The following VNN2 variants were observed in gnomAD, a reference collection of about 807,000 sequenced individuals.
The protein encoded by VNN2 is vanin 2.
Under a neutral mutation model 43.0 loss-of-function variants are expected in VNN2, and 43 were observed. The ratio of observed to expected loss-of-function variants is 1.00; its 90% CI spans 0.78 to 1.29. The LOEUF is 1.29. Among genes scored for constraint, VNN2 ranks in the 50% most tolerant of loss-of-function variants. VNN2 has a pLI of 0.00. For missense variants in VNN2, 652 were observed against 619.7 expected, an observed-to-expected ratio of 1.05 and a Z score of -0.55; for synonymous variants, 230 against 224.3, an observed-to-expected ratio of 1.03 and a Z score of -0.23.
Position 132,749,811 on chromosome 6 carries a change from C to T in VNN2, c.1255G>A (p.Val419Ile), listed in dbSNP as rs764097298. The change falls in exon 6 of 7, where the codon GTA (valine) becomes ATA (isoleucine). Residue 419 changes from valine (V) to isoleucine (I), a missense_variant. Physicochemically the swap from Val to Ile is conservative, Grantham distance 29. Coordinates refer to ENST00000326499, the MANE Select transcript of VNN2 (RefSeq NM_004665.6). ...TTNLTTCGRP[V>I]ETASTRFEMF... is the part of the protein sequence containing the mutation. ...TCAAATCTTGTAGAAGCAGTTTCTA[C>T]TGGCCGTCCACAAGTTGTCAAATTA... 1.2e-6 allele frequency: 2 copies of T among 1,613,984 alleles called. No homozygotes were observed. Among genetic ancestry groups the T allele is most frequent in the East Asian group, 2.2e-5 (1 of 44,892 alleles).
chr6:132,749,815 C>T lies in VNN2; in HGVS notation c.1251G>A (p.Arg417=). 6.2e-7 allele frequency: 1 copy of T among 1,614,054 alleles called. No individual in the cohort carries two copies. The highest frequency in any genetic ancestry group is 1.3e-5 in the African/African-American group (1 of 75,026). The change falls in exon 6 of 7, where the codon CGG becomes CGA. Residue 417 remains arginine (R), a synonymous_variant. Coordinates refer to ENST00000326499, the MANE Select transcript of VNN2 (RefSeq NM_004665.6). ...ATCTTGTAGAAGCAGTTTCTACTGG[C>T]CGTCCACAAGTTGTCAAATTAGTAG... The part of the protein sequence containing the change: ...CKTTNLTTCG[R]PVETASTRFE...
chr6:132,762,041 T>C (rs1780750575), upstream of VNN2, among the ~76,000 whole-genome samples: 1 of 152,216 alleles, frequency 6.6e-6, no homozygotes, highest in African/African-American at 2.4e-5. Flanking sequence ...ACTACTGTTG[T>C]TCAATTCAAA....
At position 132,752,452 on chromosome 6, in the gene VNN2, A is replaced by T. The variant is rs747080103; in HGVS notation, c.826+9T>A. ...ATATAAGATGAAACCTAACCTGGTC[A>T]TGAATTACCTGTCATATTTAGGCTG... On this transcript the variant is annotated intron_variant, in intron 4 of 6. Coordinates refer to ENST00000326499, the MANE Select transcript of VNN2 (RefSeq NM_004665.6). The T allele has an allele frequency of 5.3e-5, 86 of 1,607,548 alleles. No individual in the cohort carries two copies. The highest frequency in any genetic ancestry group is 7.2e-5 in the Non-Finnish European group (85 of 1,176,246).
upstream of VNN2, among the ~76,000 whole-genome samples, chr6:132,760,387 G>T (rs1395447222): frequency 6.6e-6 from 1 of 152,052 alleles, no homozygotes; most frequent in Non-Finnish European, 1.5e-5. Flanking sequence ...TGTTGCCCAG[G>T]CTTGTTTCAA....
chr6:132,759,736 A>G (rs1317029228), upstream of VNN2, among the ~76,000 whole-genome samples: 2 of 152,206 alleles, frequency 1.3e-5, no homozygotes, highest in Admixed American at 6.5e-5. Context: ...TCTGCTTTGA[A>G]TAGAAGTTTC....
intron 6 of VNN2, among the ~76,000 whole-genome samples, chr6:132,748,224 T>A (rs2114529309): frequency 6.6e-6 from 1 of 152,326 alleles, no homozygotes; most frequent in South Asian, 2.1e-4. Context: ...ACCTTTTAGC[T>A]ACTGGATTTT....
Position 132,751,442 on chromosome 6 carries a change from AAGG to A in VNN2, c.900_902del (p.Leu301del), listed in dbSNP as rs1251889758. ...ATAGGGGATGTGAATCCACCTCTGAAAGGAGAAGTTTTCCCAACTCTGTCTTCA... is the reference window on the plus strand; with the variant it reads ...ATAGGGGATGTGAATCCACCTCTGAAAGAAGTTTTCCCAACTCTGTCTTCA... On this transcript the variant is annotated inframe_deletion, in exon 5 of 7. Coordinates refer to ENST00000326499, the MANE Select transcript of VNN2 (RefSeq NM_004665.6). 3 of 1,614,140 alleles carry A rather than the reference AAGG, an allele frequency of 1.9e-6. No homozygotes were observed. The highest frequency in any genetic ancestry group is 8.5e-7 in the Non-Finnish European group (1 of 1,180,012).
chr6:132,757,561 C>G lies in VNN2; in HGVS notation c.214-15G>C, dbSNP rs780112772. Reference sequence around the variant, plus strand: ...ATTCGAGCACCCTGTTCAAAACAAGCAAAATAAAAATGATTTTTCCATGTA... The same window carrying G: ...ATTCGAGCACCCTGTTCAAAACAAGGAAAATAAAAATGATTTTTCCATGTA... On this transcript the variant is annotated splice_polypyrimidine_tract_variant and intron_variant, in intron 1 of 6. Transcript: ENST00000326499. 1 of 1,610,740 alleles carries G rather than the reference C, an allele frequency of 6.2e-7. No individual in the cohort carries two copies. Among genetic ancestry groups the G allele is most frequent in the Non-Finnish European group, 8.5e-7 (1 of 1,178,670 alleles).
chr6:132,755,200 C>A (rs1478316745), intron 3 of VNN2, among the ~76,000 whole-genome samples: 1 of 150,916 alleles, frequency 6.6e-6, no homozygotes, highest in East Asian at 1.9e-4. Context: ...AAACAGTGCC[C>A]AGATTATAGT....
intron 1 of VNN2, among the ~76,000 whole-genome samples, chr6:132,762,912 G>A (rs1043845799): frequency 2.6e-5 from 4 of 152,134 alleles, no homozygotes; most frequent in African/African-American, 4.8e-5. Context: ...CTTTGAGTTA[G>A]TAGCATCCTC....
In VNN2 at chr6:132,755,917, G is replaced by A; in HGVS notation, c.463C>T (p.Pro155Ser). 2 of 1,614,020 alleles carry A rather than the reference G, an allele frequency of 1.2e-6. No homozygotes were observed. Among genetic ancestry groups the A allele is most frequent in the Non-Finnish European group, 1.7e-6 (2 of 1,180,016 alleles). Residue 155 changes from proline (P) to serine (S), a missense_variant, in exon 3 of 7, where the codon CCT becomes TCT. Transcript: ENST00000326499. Reference protein sequence around the residue: ...PCNSRDSTCPPNGYFQYNTNV... With the variant: ...PCNSRDSTCPSNGYFQYNTNV... ...GTATTGTATTGAAAGTAGCCATTAGGAGGACATGTGGAGTCACGGGAATTA... is the reference window on the plus strand; with the variant it reads ...GTATTGTATTGAAAGTAGCCATTAGAAGGACATGTGGAGTCACGGGAATTA...
intron 5 of VNN2, among the ~76,000 whole-genome samples, chr6:132,750,345 G>A (rs1293788719): frequency 6.6e-6 from 1 of 151,778 alleles, no homozygotes. Flanking sequence ...TTTGTCATTT[G>A]AAAGCAATAC....
chr6:132,744,640 C>G (rs1308460450), intron 6 of VNN2, 149 bp from the exon 7 acceptor site: 1 of 697,948 alleles, frequency 1.4e-6, no homozygotes, highest in South Asian at 2.8e-5. Flanking sequence ...CAGGGGACAG[C>G]CATTTACTAC....
Position 132,752,470 on chromosome 6 carries a change from T to G in VNN2, c.817A>C (p.Asn273His). 12 of 1,613,154 alleles carry G rather than the reference T, an allele frequency of 7.4e-6. No individual in the cohort carries two copies. Among genetic ancestry groups the G allele is most frequent in the Non-Finnish European group, 8.5e-6 (10 of 1,179,476 alleles). Residue 273 changes from asparagine to histidine, a missense_variant, in exon 4 of 7, where the codon AAT (asparagine) becomes CAT (histidine). Coordinates refer to ENST00000326499, the MANE Select transcript of VNN2 (RefSeq NM_004665.6). ...LVANTHHVSL[N>H]MTGSGIYAPN... ...CCTGGTCATGAATTACCTGTCATAT[T>G]TAGGCTGACATGATGTGTGTTGGCC...
At chr6:132,762,502 C>T (rs1469376695), upstream of VNN2, among the ~76,000 whole-genome samples, 2 of 152,074 alleles carry the variant, frequency 1.3e-5, no homozygotes, top group African/African-American at 2.4e-5. Flanking sequence ...CAAAGAAAAA[C>T]GTTTCTGTCT....
chr6:132,755,498 C>T (rs534743980), intron 3 of VNN2, among the ~76,000 whole-genome samples: 1 of 151,910 alleles, frequency 6.6e-6, no homozygotes, highest in East Asian at 1.9e-4. Context: ...CTTCAGCTCC[C>T]ACATAGCTGG....
chr6:132,760,883 T>C (rs1278092241), upstream of VNN2: 2 of 152,196 alleles, frequency 1.3e-5, no homozygotes, highest in African/African-American at 4.8e-5. Flanking sequence ...TCACTTCTGA[T>C]ATAAAATCAA....
chr6:132,753,514 G>A (rs890055325), intron 3 of VNN2: 1 of 453,304 alleles, frequency 2.2e-6, no homozygotes, highest in South Asian at 1.6e-5. Context: ...CCATAGAAAT[G>A]TATTTAATTT....
upstream of VNN2, chr6:132,758,008 T>A: frequency 5.4e-6 from 1 of 185,702 alleles, no homozygotes; most frequent in Non-Finnish European, 8.4e-6. Flanking sequence ...TTTTTCTTCT[T>A]CTTCTTCTTC....
Sources: allele counts gnomAD v4.1 joint callset (sites outside exome capture counted in the v4.1 genomes callset), GRCh38; gene constraint gnomAD v4.1.1; transcripts MANE v1.5; gene names NCBI Gene and HGNC (gene_info 2026-07-23, HGNC 2026-07-21).